The following PRIM2 variants were observed in gnomAD, a reference collection of about 807,000 sequenced individuals.
The protein encoded by PRIM2 is DNA primase subunit 2.
PRIM2 carries 39 observed loss-of-function variants against 67.3 expected under a neutral mutation model. The ratio of observed to expected loss-of-function variants is 0.58; its 90% CI spans 0.45 to 0.76. The LOEUF is 0.76. Ranked by LOEUF, PRIM2 falls within the 30% of genes least tolerant of loss-of-function variation. PRIM2 has a pLI of 0.00. For synonymous variants in PRIM2, 143 were observed against 198.7 expected (o/e 0.72, Z 2.36); for missense variants, 398 against 598.7 (o/e 0.66, Z 3.50).
At chr6:57,499,446 G>C (rs1208345398) in intron 7 of PRIM2, among the ~76,000 whole-genome samples, 1 of 152,268 alleles carries the variant, frequency 6.6e-6, no homozygotes, top group African/African-American at 2.4e-5. Context: ...TCCTGAGGTA[G>C]GTTATAAAAC....
the PRIM2 span, among the ~76,000 whole-genome samples, chr6:57,296,513 C>G: frequency 2.0e-5 from 3 of 151,866 alleles, no homozygotes; most frequent in Non-Finnish European, 4.4e-5. Flanking sequence ...ATTTGAACTA[C>G]AAATTAAACT....
intron 10 of PRIM2, among the ~76,000 whole-genome samples, chr6:57,583,821 T>G (rs1437855068): frequency 0.011 from 1,632 of 152,358 alleles, 1 homozygote; most frequent in African/African-American, 0.037. Context: ...TTTTCTAGAA[T>G]GTAGAAGACT....
At chr6:57,634,990 A>G (rs1777095055) in intron 13 of PRIM2, among the ~76,000 whole-genome samples, 1 of 152,280 alleles carries the variant, frequency 6.6e-6, no homozygotes, top group African/African-American at 2.4e-5. Flanking sequence ...ATTTAATTTA[A>G]AAATAGAATC....
intron 7 of PRIM2, among the ~76,000 whole-genome samples, chr6:57,409,934 T>C (rs6923924): frequency 6.6e-6 from 1 of 152,230 alleles, no homozygotes. Context: ...TTAGCTCTTG[T>C]ATTTAACTCT....
chr6:57,575,850 C>T (rs1775954484), intron 10 of PRIM2, among the ~76,000 whole-genome samples: 1 of 152,138 alleles, frequency 6.6e-6, no homozygotes, highest in Non-Finnish European at 1.5e-5. Flanking sequence ...GCGACCTAGA[C>T]TCACTGCAAC....
the PRIM2 span, among the ~76,000 whole-genome samples, chr6:57,281,018 CAT>C: frequency 6.6e-6 from 1 of 152,142 alleles, no homozygotes; most frequent in Non-Finnish European, 1.5e-5. Flanking sequence ...TTAGCTCCTG[CAT>C]ATGAGTGAGA....
At chr6:57,592,363 AC>A (rs1387328517) in intron 10 of PRIM2, among the ~76,000 whole-genome samples, 1 of 152,196 alleles carries the variant, frequency 6.6e-6, no homozygotes, top group African/African-American at 2.4e-5. Flanking sequence ...GTGCACATAT[AC>A]ATGGCTCTTT....
intron 8 of PRIM2, among the ~76,000 whole-genome samples, chr6:57,519,115 G>T (rs1774550729): frequency 6.6e-6 from 1 of 152,138 alleles, no homozygotes; most frequent in Non-Finnish European, 1.5e-5. Flanking sequence ...AATAGGTGTG[G>T]GTCACAGACA....
At chr6:57,241,231 AAAAAAAAG>A in the PRIM2 span, among the ~76,000 whole-genome samples, 10 of 151,152 alleles carry the variant, frequency 6.6e-5, no homozygotes, top group African/African-American at 1.9e-4. Flanking sequence ...CTCAAAAAAA[AAAAAAAAG>A]AAAAAAAGAA....
At chr6:57,579,068 C>T (rs1227516192) in intron 10 of PRIM2, among the ~76,000 whole-genome samples, 2 of 152,052 alleles carry the variant, frequency 1.3e-5, no homozygotes, top group Non-Finnish European at 2.9e-5. Flanking sequence ...CTGAATCAAC[C>T]ACATCTCCAA....
At chr6:57,551,516 C>T (rs1394220150) in intron 10 of PRIM2, among the ~76,000 whole-genome samples, 1 of 152,192 alleles carries the variant, frequency 6.6e-6, no homozygotes, top group African/African-American at 2.4e-5. Context: ...ATAAGCTTGT[C>T]ATTTTCTTTT....
chr6:57,242,617 C>T, the PRIM2 span, among the ~76,000 whole-genome samples: 1 of 152,176 alleles, frequency 6.6e-6, no homozygotes, highest in African/African-American at 2.4e-5. Context: ...ATGGTATAAA[C>T]AATTTTAAAG....
At chr6:57,366,878 A>C (rs1769379524) in intron 5 of PRIM2, among the ~76,000 whole-genome samples, 1 of 152,196 alleles carries the variant, frequency 6.6e-6, no homozygotes, top group Admixed American at 6.5e-5. Flanking sequence ...TTATGCTAGC[A>C]CGGTGTTCTC....
At chr6:57,600,451 C>G (rs1362655157) in intron 10 of PRIM2, among the ~76,000 whole-genome samples, 1 of 151,768 alleles carries the variant, frequency 6.6e-6, no homozygotes, top group Non-Finnish European at 1.5e-5. Context: ...CTCAACCCCC[C>G]AGCCCAAGTG....
chr6:57,398,940 TTC>T (rs2127353525), intron 7 of PRIM2, among the ~76,000 whole-genome samples: 1 of 152,198 alleles, frequency 6.6e-6, no homozygotes, highest in South Asian at 2.1e-4. Context: ...TTTGTTTGAA[TTC>T]TGTTTTGTCT....
chr6:57,448,619 G>A (rs9396299), intron 7 of PRIM2, among the ~76,000 whole-genome samples: 60,997 of 151,604 alleles, frequency 0.4, 13,175 homozygotes, highest in South Asian at 0.58. Flanking sequence ...CAAAAGGTGG[G>A]ATATCTTGAA....
At chr6:57,607,945 A>G (rs1297041769) in intron 12 of PRIM2, among the ~76,000 whole-genome samples, 38 of 152,056 alleles carry the variant, frequency 2.5e-4, no homozygotes, top group African/African-American at 8.7e-4. Flanking sequence ...GCCATGGTGC[A>G]TAGGTAGGAA....
chr6:57,481,030 A>G (rs1773613061), intron 7 of PRIM2, among the ~76,000 whole-genome samples: 1 of 152,228 alleles, frequency 6.6e-6, no homozygotes, highest in African/African-American at 2.4e-5. Flanking sequence ...AGAAAGTTGC[A>G]AATGTAGTAC....
intron 10 of PRIM2, among the ~76,000 whole-genome samples, chr6:57,560,732 A>G (rs1362200179): frequency 2.0e-4 from 30 of 152,074 alleles, no homozygotes; most frequent in Admixed American, 1.6e-3. Context: ...ATTGTCATGA[A>G]GCAGTAATAT....
Sources: allele counts gnomAD v4.1 joint callset (sites outside exome capture counted in the v4.1 genomes callset), GRCh38; gene constraint gnomAD v4.1.1; transcripts MANE v1.5; gene names NCBI Gene and HGNC (gene_info 2026-07-23, HGNC 2026-07-21).